FPGS: variants seen among roughly 807,000 people sequenced by gnomAD.
FPGS encodes the protein folylpolyglutamate synthase.
Under a neutral mutation model 66.5 loss-of-function variants are expected in FPGS, and 53 were observed. That is an observed-to-expected ratio of 0.80 (90% confidence interval 0.64 to 1.00). FPGS has a LOEUF of 1.00. FPGS is among the 50% of genes least tolerant of loss of function. FPGS has a pLI of 0.00. For missense variants in FPGS, 702 were observed against 807.7 expected (o/e 0.87, Z 1.59); for synonymous variants, 348 against 350.9 (o/e 0.99, Z 0.09).
chr9:127,813,397 C>A lies in FPGS; in HGVS notation c.1557C>A (p.Cys519Ter), dbSNP rs752967848. Residue 519 changes from cysteine to a stop codon, truncating the protein, a stop_gained, in exon 15 of 15, where the codon TGC becomes TGA. Transcript: ENST00000373247. LOFTEE classifies it high-confidence loss of function. ...GTGCCAGCTCCCTCGTCTTCAGCTG[C>A]ATTTCACATGCCTTGCAATGGATCA... ...TCSASSLVFSCISHALQWISQ... is the reference protein window; with the variant it reads ...TCSASSLVFS The A allele has an allele frequency of 6.2e-7, 1 of 1,609,916 alleles. No individual in the cohort carries two copies. Among genetic ancestry groups the A allele is most frequent in the Non-Finnish European group, 8.5e-7 (1 of 1,177,498 alleles).
At chr9:127,810,318 C>T (rs949872680) in intron 13 of FPGS, among the ~76,000 whole-genome samples, 7 of 152,148 alleles carry the variant, frequency 4.6e-5, no homozygotes, top group Non-Finnish European at 1.0e-4. Flanking sequence ...GACTCAAGTC[C>T]AGGCTTAAGA....
At chr9:127,808,394 A>G in intron 9 of FPGS, 83 bp downstream of exon 9, 2 of 1,485,912 alleles carry the variant, frequency 1.3e-6, no homozygotes, top group Admixed American at 3.4e-5. Context: ...CTGGGGCCTC[A>G]GTTTGCCCAT....
At position 127,813,953 on chromosome 9, in the gene FPGS, G is replaced by A; in HGVS notation, c.*349G>A. On this transcript the variant is annotated 3_prime_UTR_variant, in exon 15 of 15. Transcript: ENST00000373247. ...CCCTGGGTCTTGCCATGTGCTGGGTGGTAGATTTCCTCCTCCCAGTGCCTT... is the reference window on the plus strand; with the variant it reads ...CCCTGGGTCTTGCCATGTGCTGGGTAGTAGATTTCCTCCTCCCAGTGCCTT... The A allele has an allele frequency of 5.5e-6, 6 of 1,093,118 alleles. No homozygotes were observed. The highest frequency in any genetic ancestry group is 5.6e-6 in the Non-Finnish European group (5 of 900,238). The allele number at this position is 1,093,118 out of a possible 1,614,324, so 67.7% of individuals were successfully genotyped here.
Position 127,808,668 on chromosome 9 carries a change from G to A in FPGS, c.933G>A (p.Gln311=), listed in dbSNP as rs764029343. 2.3e-5 allele frequency: 37 copies of A among 1,601,350 alleles called. No individual in the cohort carries two copies. Among genetic ancestry groups the A allele is most frequent in the Admixed American group, 6.9e-5 (4 of 58,286 alleles). ...HQRSNAALAL[Q]LAHCWLQRQD... ...GGTCCAACGCCGCCTTGGCCTTGCA[G>A]CTGGCCCACTGCTGGCTGCAGCGGC... Residue 311 remains glutamine (Q), a synonymous_variant, in exon 10 of 15, where the codon CAG becomes CAA. Transcript: ENST00000373247.
rs566409801 is a variant in FPGS at position 127,813,376 on chromosome 9, C to T, written c.1536C>T (p.Ala512=). ...LAPHPPHTCS[A]SSLVFSCISH... is the part of the protein sequence containing the mutation. ...CCCACCCACCCCACACCTGCAGTGC[C>T]AGCTCCCTCGTCTTCAGCTGCATTT... Residue 512 remains alanine, a synonymous_variant, in exon 15 of 15, where the codon GCC becomes GCT. Coordinates refer to ENST00000373247, the MANE Select transcript of FPGS (RefSeq NM_004957.6). 6.2e-7 allele frequency: 1 copy of T among 1,611,834 alleles called. No individual in the cohort carries two copies. The highest frequency in any genetic ancestry group is 1.3e-5 in the African/African-American group (1 of 75,036).
At chr9:127,805,368 C>T (rs562218803) in intron 4 of FPGS, among the ~76,000 whole-genome samples, 1 of 151,578 alleles carries the variant, frequency 6.6e-6, no homozygotes, top group South Asian at 2.1e-4. Flanking sequence ...AGTGATCATG[C>T]CATTGCACAT....
intron 9 of FPGS, 102 bp from the exon 10 acceptor site, chr9:127,808,456 A>G: frequency 6.5e-7 from 1 of 1,545,950 alleles, no homozygotes; most frequent in South Asian, 1.1e-5. Flanking sequence ...AACACATCTC[A>G]GTTCTGGGAG....
At chr9:127,813,160 C>G in intron 14 of FPGS, 35 bp from the exon 15 acceptor site, 1 of 1,530,778 alleles carries the variant, frequency 6.5e-7, no homozygotes, top group Non-Finnish European at 8.8e-7. Flanking sequence ...ACTCCCTCTC[C>G]CCTTCGCTGA....
chr9:127,813,086 T>TA, intron 14 of FPGS, 109 bp from the exon 15 acceptor site: 5 of 1,462,880 alleles, frequency 3.4e-6, no homozygotes, highest in Non-Finnish European at 2.7e-6. Context: ...CCTGATGACG[T>TA]AAAAGGCTTG....
intron 12 of FPGS, 53 bp downstream of exon 12, chr9:127,809,887 G>A (rs1588560371): frequency 1.3e-6 from 1 of 769,014 alleles, no homozygotes; most frequent in African/African-American, 1.9e-5. Flanking sequence ...GGAGGGGCGG[G>A]ATCTTGGGGA....
Position 127,808,629 on chromosome 9 carries a change from G to T in FPGS, c.894G>T (p.Glu298Asp). ...GGCCGCCGCTGACCCTGGGCCTGGA[G>T]GGGGAGCACCAGCGGTCCAACGCCG... ...EGGPPLTLGLEGEHQRSNAAL... is the reference protein window; with the variant it reads ...EGGPPLTLGLDGEHQRSNAAL... The change falls in exon 10 of 15, where the codon GAG (glutamate) becomes GAT (aspartate). Residue 298 changes from glutamate (E) to aspartate (D), a missense_variant. This residue lies in a region of FPGS where 240 missense variants were observed against 348.6 expected (regional missense o/e 0.69). Coordinates refer to ENST00000373247, the MANE Select transcript of FPGS (RefSeq NM_004957.6). 2 of 1,611,604 alleles carry T rather than the reference G, an allele frequency of 1.2e-6. No homozygotes were observed. The highest frequency in any genetic ancestry group is 1.7e-6 in the Non-Finnish European group (2 of 1,179,468).
At position 127,809,828 on chromosome 9, in the gene FPGS, C is replaced by G. The variant is rs1306090676; in HGVS notation, c.1205C>G (p.Pro402Arg). 1 of 1,352,400 alleles carries G rather than the reference C, an allele frequency of 7.4e-7. No homozygotes were observed. The highest frequency in any genetic ancestry group is 2.9e-5 in the East Asian group (1 of 34,716). 83.8% of individuals were successfully genotyped at this position (1,352,400 alleles called of 1,614,324 possible). The change falls in exon 12 of 15, where the codon CCG becomes CGG. Residue 402 changes from proline to arginine, a missense_variant. Coordinates refer to ENST00000373247, the MANE Select transcript of FPGS (RefSeq NM_004957.6). Reference sequence around the variant, plus strand: ...CAGGCGCTGCAGGGCCGCGAGAGGCCGAGCGGGTGAGGGGCAGGGCTGGGG... The same window carrying G: ...CAGGCGCTGCAGGGCCGCGAGAGGCGGAGCGGGTGAGGGGCAGGGCTGGGG... ...FRQALQGRERPSGGPEVRVLL... is the reference protein window; with the variant it reads ...FRQALQGRERRSGGPEVRVLL...
intron 13 of FPGS, among the ~76,000 whole-genome samples, 200 bp from the exon 14 acceptor site, chr9:127,810,745 G>A (rs1830038912): frequency 6.6e-6 from 1 of 152,150 alleles, no homozygotes; most frequent in Admixed American, 6.5e-5. Context: ...TTGGGGCTTC[G>A]CTGCTCAGGC....
intron 11 of FPGS, 56 bp downstream of exon 11, chr9:127,808,945 GA>G (rs1829947721): frequency 3.3e-5 from 26 of 797,158 alleles, no homozygotes; most frequent in Non-Finnish European, 4.4e-5. Context: ...TGCCCCTTCA[GA>G]TTTTTTTTTT....
chr9:127,811,746 A>G (rs1369597319), intron 14 of FPGS, among the ~76,000 whole-genome samples: 3 of 152,056 alleles, frequency 2.0e-5, no homozygotes, highest in Non-Finnish European at 4.4e-5. Flanking sequence ...TCAGCCTCCC[A>G]AAGTGCTGGG....
At position 127,813,385 on chromosome 9, in the gene FPGS, C is replaced by T. The variant is rs201589136; in HGVS notation, c.1545C>T (p.Leu515=). ...HPPHTCSASS[L]VFSCISHALQ... ...CCCACACCTGCAGTGCCAGCTCCCT[C>T]GTCTTCAGCTGCATTTCACATGCCT... The change falls in exon 15 of 15, where the codon CTC becomes CTT. Residue 515 remains leucine, a synonymous_variant. Transcript: ENST00000373247. 21 of 1,610,776 alleles carry T rather than the reference C, an allele frequency of 1.3e-5. No homozygotes were observed. The East Asian group carries it at 1.3e-4, about 10-fold the overall frequency.
At chr9:127,808,347 G>A in intron 9 of FPGS, 36 bp downstream of exon 9, 3 of 1,584,340 alleles carry the variant, frequency 1.9e-6, no homozygotes, top group Non-Finnish European at 2.6e-6. Context: ...GGCAGGGTGG[G>A]TTTGTGTCCC....
In FPGS at chr9:127,809,644, G is replaced by C. The variant is rs759555922; in HGVS notation, c.1061-40G>C. 2.6e-6 allele frequency: 4 copies of C among 1,550,346 alleles called. No homozygotes were observed. The African/African-American group carries it at 5.6e-5, about 22-fold the overall frequency. On this transcript the variant is annotated intron_variant, in intron 11 of 14. Transcript: ENST00000373247. ...TGTGTGCGGAATTGAGGACGGGGGT[G>C]GGAGAGGGCCTGGAGGACTGCCTTG...
rs1830200537 is a variant in FPGS, at chr9:127,813,871, A to G, written c.*267A>G. ...CTGGCCGTTCAGCCTGTCTCCCCCA[A>G]CACCCCGCCTGCCTCCTGGCTCAGG... On this transcript the variant is annotated 3_prime_UTR_variant, in exon 15 of 15. Coordinates refer to ENST00000373247, the MANE Select transcript of FPGS (RefSeq NM_004957.6). The G allele has an allele frequency of 8.3e-7, 1 of 1,201,556 alleles. No individual in the cohort carries two copies. Among genetic ancestry groups the G allele is most frequent in the African/African-American group, 1.6e-5 (1 of 63,354 alleles). 74.4% of individuals were successfully genotyped at this position (1,201,556 alleles called of 1,614,324 possible).
Sources: allele counts gnomAD v4.1 joint callset (sites outside exome capture counted in the v4.1 genomes callset), GRCh38; gene constraint gnomAD v4.1.1; regional missense constraint gnomAD v4.1.1; transcripts MANE v1.5; gene names NCBI Gene and HGNC (gene_info 2026-07-23, HGNC 2026-07-21).